NIM1K: variants seen among roughly 807,000 people sequenced by gnomAD.
NIM1K encodes the protein NIM1 serine/threonine protein kinase, also known as serine/threonine-protein kinase NIM1.
NIM1K carries 35 observed loss-of-function variants against 37.1 expected under a neutral mutation model. That is an observed-to-expected ratio of 0.94 (90% confidence interval 0.72 to 1.25). The LOEUF is 1.25. Among genes scored for constraint, NIM1K ranks in the 50% most tolerant of loss-of-function variants. NIM1K has a pLI of 0.00. For synonymous variants in NIM1K, 234 were observed against 206.6 expected, an observed-to-expected ratio of 1.13 and a Z score of -1.14; for missense variants, 564 against 548.0, an observed-to-expected ratio of 1.03 and a Z score of -0.29.
intron 1 of NIM1K, among the ~76,000 whole-genome samples, chr5:43,213,217 CT>C (rs1294118303): frequency 6.6e-5 from 3 of 45,266 alleles, no homozygotes; most frequent in Non-Finnish European, 1.7e-4. Flanking sequence ...TTCTTTCTTT[CT>C]TTCTTTCCTT....
At chr5:43,248,624 G>A (rs1579978510) in intron 2 of NIM1K, among the ~76,000 whole-genome samples, 1 of 152,118 alleles carries the variant, frequency 6.6e-6, no homozygotes, top group East Asian at 1.9e-4. Flanking sequence ...GAGAGAGGGA[G>A]AGAGAGAGAC....
At chr5:43,210,190 G>A (rs946991878) in intron 1 of NIM1K, among the ~76,000 whole-genome samples, 6 of 151,742 alleles carry the variant, frequency 4.0e-5, no homozygotes, top group Non-Finnish European at 8.8e-5. Flanking sequence ...GAGGAAGGGA[G>A]GAGAGGGGAG....
intron 1 of NIM1K, among the ~76,000 whole-genome samples, chr5:43,198,258 C>CT (rs1364134916): frequency 8.1e-6 from 1 of 123,696 alleles, no homozygotes; most frequent in Admixed American, 8.7e-5. Flanking sequence ...TTCTTTCTTT[C>CT]CTTTCTTTCT....
chr5:43,205,200 G>A (rs1412973121), intron 1 of NIM1K, among the ~76,000 whole-genome samples: 1 of 152,178 alleles, frequency 6.6e-6, no homozygotes, highest in Non-Finnish European at 1.5e-5. Context: ...GGGTGAAACT[G>A]GACCCCAGAC....
intron 2 of NIM1K, among the ~76,000 whole-genome samples, chr5:43,260,015 G>T (rs1464104150): frequency 6.6e-6 from 1 of 152,048 alleles, no homozygotes; most frequent in Admixed American, 6.6e-5. Flanking sequence ...AGTTTTCCCA[G>T]CAACATTTAC....
chr5:43,197,259 G>A (rs934148832), intron 1 of NIM1K, among the ~76,000 whole-genome samples: 3 of 152,018 alleles, frequency 2.0e-5, no homozygotes, highest in Admixed American at 6.6e-5. Context: ...CTCCAGAGTA[G>A]CTGGGACTAC....
intron 1 of NIM1K, among the ~76,000 whole-genome samples, chr5:43,233,333 C>T (rs1752569785): frequency 1.3e-5 from 2 of 150,164 alleles, no homozygotes; most frequent in African/African-American, 2.4e-5. Flanking sequence ...AAAAACTTAA[C>T]CTTCCTCTTG....
intron 1 of NIM1K, among the ~76,000 whole-genome samples, chr5:43,224,002 A>G (rs1189899827): frequency 2.0e-5 from 3 of 151,650 alleles, no homozygotes; most frequent in Non-Finnish European, 1.5e-5. Flanking sequence ...AAAAAAATCC[A>G]TTGATTAGAA....
At chr5:43,226,053 G>A (rs1336626710) in intron 1 of NIM1K, among the ~76,000 whole-genome samples, 1 of 152,212 alleles carries the variant, frequency 6.6e-6, no homozygotes, top group African/African-American at 2.4e-5. Flanking sequence ...GAACGTAGGA[G>A]CATGACTGGT....
intron 1 of NIM1K, among the ~76,000 whole-genome samples, chr5:43,230,243 G>C (rs550424686): frequency 3.9e-5 from 6 of 152,060 alleles, no homozygotes; most frequent in African/African-American, 1.4e-4. Flanking sequence ...TGTAGTGATG[G>C]GTTTAGGCTC....
intron 1 of NIM1K, among the ~76,000 whole-genome samples, chr5:43,233,511 T>C (rs568512065): frequency 1.3e-5 from 2 of 152,218 alleles, no homozygotes; most frequent in African/African-American, 2.4e-5. Context: ...GTGATAAAAC[T>C]AGGAGCTTTT....
chr5:43,233,045 C>T, intron 1 of NIM1K: 1 of 1,293,144 alleles, frequency 7.7e-7, no homozygotes, highest in Non-Finnish European at 1.1e-6. Context: ...TCATCTCCTC[C>T]CCGAGTGGTC....
At chr5:43,215,615 G>C (rs1299541674) in intron 1 of NIM1K, among the ~76,000 whole-genome samples, 1 of 152,168 alleles carries the variant, frequency 6.6e-6, no homozygotes, top group East Asian at 1.9e-4. Flanking sequence ...TGTATGTTTA[G>C]TAGAGACGAT....
At chr5:43,202,105 T>C (rs1218671966) in intron 1 of NIM1K, among the ~76,000 whole-genome samples, 2 of 152,216 alleles carry the variant, frequency 1.3e-5, no homozygotes, top group African/African-American at 2.4e-5. Context: ...CAAATTTTCT[T>C]TTGAGTTAAT....
chr5:43,268,089 C>T (rs1180366118), intron 2 of NIM1K, among the ~76,000 whole-genome samples: 6 of 152,112 alleles, frequency 3.9e-5, no homozygotes, highest in Admixed American at 3.9e-4. Context: ...TTATCTCTTT[C>T]CTTAGGTCTA....
chr5:43,253,166 A>G (rs569919466), intron 2 of NIM1K, among the ~76,000 whole-genome samples: 1 of 146,018 alleles, frequency 6.8e-6, no homozygotes, highest in Non-Finnish European at 1.5e-5. Context: ...ATATATATAT[A>G]ATATAATATA....
intron 1 of NIM1K, among the ~76,000 whole-genome samples, chr5:43,237,102 T>A (rs1420707479): frequency 6.6e-6 from 1 of 152,254 alleles, no homozygotes; most frequent in Non-Finnish European, 1.5e-5. Flanking sequence ...GTCTTGAACC[T>A]TGTTGCCACA....
chr5:43,272,320 C>G (rs1194331950), intron 2 of NIM1K, among the ~76,000 whole-genome samples: 1 of 152,030 alleles, frequency 6.6e-6, no homozygotes. Flanking sequence ...TTCCCTAACC[C>G]CCAGACCAGG....
At chr5:43,275,424 A>G (rs1753323544) in intron 2 of NIM1K, among the ~76,000 whole-genome samples, 1 of 152,204 alleles carries the variant, frequency 6.6e-6, no homozygotes, top group Non-Finnish European at 1.5e-5. Context: ...AAGATTGCCA[A>G]AGGTGAAATG....
Sources: allele counts gnomAD v4.1 joint callset (sites outside exome capture counted in the v4.1 genomes callset), GRCh38; gene constraint gnomAD v4.1.1; transcripts MANE v1.5; gene names NCBI Gene and HGNC (gene_info 2026-07-23, HGNC 2026-07-21).